Variants in CAPN11 observed in about 807,000 individuals in gnomAD.
The protein encoded by CAPN11 is calpain 11.
In CAPN11, 108 loss-of-function variants were observed where a neutral mutation model predicts 105.3. That is an observed-to-expected ratio of 1.03 (90% CI 0.88 to 1.20). The LOEUF is 1.20. Among genes scored for constraint, CAPN11 ranks in the 50% most tolerant of loss-of-function variants. The pLI, the probability that CAPN11 is intolerant of heterozygous loss-of-function variation, is 0.00. For missense variants in CAPN11, 883 were observed against 924.8 expected (o/e 0.95, Z 0.59); for synonymous variants, 329 against 344.5 (o/e 0.96, Z 0.50).
At chr6:44,177,475 CCTTTCTTT>C (rs374294570) in intron 12 of CAPN11, 55 bp downstream of exon 12, 22 of 1,252,286 alleles carry the variant, frequency 1.8e-5, no homozygotes, top group Non-Finnish European at 2.3e-5. Context: ...TGACCTCACT[CCTTTCTTT>C]CTTTCTTTCT....
chr6:44,176,313 G>C lies in CAPN11; in HGVS notation c.976G>C (p.Glu326Gln). The stretch of plus-strand genomic sequence containing the variant: ...GGTCCGGAATCCCTGGGGCCGGATT[G>C]AGTGGAATGGAGCTTGGAGTGACAG... ...IRVRNPWGRI[E>Q]WNGAWSDSAR... is the part of the protein sequence containing the mutation. The change falls in exon 9 of 23, where the codon GAG becomes CAG. Residue 326 changes from glutamate (E) to glutamine (Q), a missense_variant. Transcript: ENST00000398776. 1 of 1,613,924 alleles carries C rather than the reference G, an allele frequency of 6.2e-7. No homozygotes were observed. Among genetic ancestry groups the C allele is most frequent in the Non-Finnish European group, 8.5e-7 (1 of 1,179,866 alleles).
rs369019379 is a variant in CAPN11 at position 44,183,298 on chromosome 6, C to T, written c.2134+63C>T. ...GGGGCCGCGGGCCCTTTCCCAAACA[C>T]CCACCCTGATGGGTGCTGCTCCAGA... On this transcript the variant is annotated intron_variant, in intron 21 of 22. Coordinates refer to ENST00000398776, the MANE Select transcript of CAPN11 (RefSeq NM_007058.4). 9.4e-4 allele frequency: 970 copies of T among 1,028,172 alleles called. 6 individuals are homozygous for T. In the African/African-American group the frequency reaches 0.013, roughly 14 times the overall value. 63.7% of individuals were successfully genotyped at this position (1,028,172 alleles called of 1,614,324 possible).
At chr6:44,164,756 G>T (rs763374489) in intron 1 of CAPN11, among the ~76,000 whole-genome samples, 1 of 152,218 alleles carries the variant, frequency 6.6e-6, no homozygotes, top group African/African-American at 2.4e-5. Flanking sequence ...GCAGAAAGTC[G>T]TGGGGCCAGA....
In CAPN11 at chr6:44,169,470, G is replaced by A. The variant is rs769410465; in HGVS notation, c.278G>A (p.Gly93Asp). The stretch of plus-strand genomic sequence containing the variant: ...TTCCCTGCTGAACCCAGCTCACTGG[G>A]CTTCAAGGACCTGGGCCCCAACTCC... ...PLFPAEPSSL[G>D]FKDLGPNSKN... The change falls in exon 3 of 23, where the codon GGC (glycine) becomes GAC (aspartate). Residue 93 changes from glycine (G) to aspartate (D), a missense_variant. Physicochemically the swap from Gly to Asp is moderately conservative, Grantham distance 94 (BLOSUM62 -1). Coordinates refer to ENST00000398776, the MANE Select transcript of CAPN11 (RefSeq NM_007058.4). 9.3e-6 allele frequency: 15 copies of A among 1,609,814 alleles called. No individual in the cohort carries two copies. Among genetic ancestry groups the A allele is most frequent in the Non-Finnish European group, 6.8e-6 (8 of 1,178,256 alleles).
intron 21 of CAPN11, 22 bp downstream of exon 21, chr6:44,183,257 T>G (rs1364774715): frequency 6.6e-7 from 1 of 1,511,498 alleles, no homozygotes; most frequent in African/African-American, 1.4e-5. Flanking sequence ...ATCTACCCAC[T>G]CCCCAGCCTA....
At chr6:44,182,223 ATACACACT>A (rs1425777460) in intron 19 of CAPN11, among the ~76,000 whole-genome samples, 2 of 68,770 alleles carry the variant, frequency 2.9e-5, no homozygotes, top group African/African-American at 9.4e-5. Context: ...ACACACACAC[ATACACACT>A]CACATACAGA....
rs895278667 is a variant in CAPN11 at position 44,180,048 on chromosome 6, A to C, written c.1525A>C (p.Ser509Arg). The change falls in exon 14 of 23, where the codon AGC (serine) becomes CGC (arginine). Residue 509 changes from serine (S) to arginine (R), a missense_variant. Ser to Arg is a moderately radical substitution (Grantham distance 110). Transcript: ENST00000398776. ...GATCTTCACCAACTCACGGGAGGTGAGCAGCCAACTCCGGCTGCCTCCGGG... is the reference window on the plus strand; with the variant it reads ...GATCTTCACCAACTCACGGGAGGTGCGCAGCCAACTCCGGCTGCCTCCGGG... ...SEIFTNSREV[S>R]SQLRLPPGEY... The C allele has an allele frequency of 1.4e-5, 22 of 1,613,028 alleles. No individual in the cohort carries two copies. The highest frequency in any genetic ancestry group is 1.8e-5 in the Non-Finnish European group (21 of 1,179,194).
intron 1 of CAPN11, among the ~76,000 whole-genome samples, chr6:44,165,187 C>G (rs767108622): frequency 6.6e-6 from 1 of 152,158 alleles, no homozygotes; most frequent in Non-Finnish European, 1.5e-5. Flanking sequence ...CCATGCTGCC[C>G]CAGGTTTGCA....
intron 19 of CAPN11, among the ~76,000 whole-genome samples, chr6:44,182,144 T>C (rs1408056955): frequency 1.3e-4 from 1 of 7,944 alleles, no homozygotes; most frequent in Non-Finnish European, 2.4e-4. Context: ...CACACTCACA[T>C]ACAGACACAA....
chr6:44,177,090 G>A, intron 11 of CAPN11, 92 bp downstream of exon 11: 1 of 1,509,902 alleles, frequency 6.6e-7, no homozygotes, highest in Non-Finnish European at 9.0e-7. Context: ...CGAGTCACCG[G>A]AGTCAGGGTC....
chr6:44,177,445 G>A (rs754502106), intron 12 of CAPN11, 25 bp downstream of exon 12: 9 of 1,591,022 alleles, frequency 5.7e-6, no homozygotes, highest in Admixed American at 1.7e-5. Flanking sequence ...GGTCTCGCCC[G>A]CCACTCACTC....
intron 14 of CAPN11, 28 bp from the exon 15 acceptor site, chr6:44,180,432 C>A: frequency 6.2e-7 from 1 of 1,608,554 alleles, no homozygotes; most frequent in Non-Finnish European, 8.5e-7. Context: ...CCCCTGGTAA[C>A]TCTTGAGCTT....
At chr6:44,168,688 T>G (rs1446553405) in intron 2 of CAPN11, among the ~76,000 whole-genome samples, 1 of 151,518 alleles carries the variant, frequency 6.6e-6, no homozygotes, top group East Asian at 2.0e-4. Flanking sequence ...AGTGGCATGA[T>G]CTCAGCTCTG....
chr6:44,160,987 C>T (rs998455387), intron 1 of CAPN11, among the ~76,000 whole-genome samples: 8 of 152,178 alleles, frequency 5.3e-5, no homozygotes, highest in African/African-American at 1.7e-4. Context: ...TGGTACCACC[C>T]GCAGTTTCAG....
rs187597064 is a variant in CAPN11 at position 44,172,345 on chromosome 6, C to T, written c.453C>T (p.Cys151=). The T allele has an allele frequency of 5.7e-3, 8,899 of 1,561,120 alleles. 34 individuals are homozygous for T. Among genetic ancestry groups the T allele is most frequent in the Non-Finnish European group, 7.0e-3 (8,114 of 1,152,880 alleles). The part of the protein sequence containing the change: ...LLAAIGSLTT[C]PKLLYRVVPR... ...CTGCCATCGGCTCCCTTACCACCTGCCCCAAACTGCTATACCGCGTGGTGC... is the reference window on the plus strand; with the variant it reads ...CTGCCATCGGCTCCCTTACCACCTGTCCCAAACTGCTATACCGCGTGGTGC... The change falls in exon 5 of 23, where the codon TGC becomes TGT. Residue 151 remains cysteine (C), a synonymous_variant. Coordinates refer to ENST00000398776, the MANE Select transcript of CAPN11 (RefSeq NM_007058.4).
chr6:44,182,471 C>T (rs936636010), intron 19 of CAPN11, among the ~76,000 whole-genome samples: 3 of 152,242 alleles, frequency 2.0e-5, no homozygotes, highest in Admixed American at 1.3e-4. Flanking sequence ...CCAGTGCCCC[C>T]GACAACCCAT....
chr6:44,174,616 CTTTTTTTTTTTTT>C (rs56119973), intron 7 of CAPN11, among the ~76,000 whole-genome samples: 3 of 81,498 alleles, frequency 3.7e-5, no homozygotes, highest in Non-Finnish European at 6.9e-5. Context: ...TCACGATATT[CTTTTTTTTTTTTT>C]TTTTTTTTGA....
At chr6:44,181,490 C>CCCA (rs1773263928) in intron 19 of CAPN11, among the ~76,000 whole-genome samples, 170 bp downstream of exon 19, 1 of 47,808 alleles carries the variant, frequency 2.1e-5, no homozygotes, top group Non-Finnish European at 4.1e-5. Context: ...CACAACCACA[C>CCCA]CACACACACA....
chr6:44,170,134 C>T (rs1770712516), intron 4 of CAPN11, among the ~76,000 whole-genome samples, 159 bp downstream of exon 4: 1 of 152,150 alleles, frequency 6.6e-6, no homozygotes, highest in Admixed American at 6.6e-5. Context: ...AGTGAGAACA[C>T]CGTGCATTCT....
Sources: allele counts gnomAD v4.1 joint callset (sites outside exome capture counted in the v4.1 genomes callset), GRCh38; gene constraint gnomAD v4.1.1; transcripts MANE v1.5; gene names NCBI Gene and HGNC (gene_info 2026-07-23, HGNC 2026-07-21).